The following PRR5 variants were observed in gnomAD, a reference collection of about 807,000 sequenced individuals.
PRR5 encodes proline rich 5.
PRR5 carries 25 observed loss-of-function variants against 30.6 expected under a neutral mutation model. The observed-to-expected ratio is 0.82, with a 90% confidence interval of 0.60 to 1.14. The LOEUF is 1.14. Among genes scored for constraint, PRR5 ranks in the 50% most tolerant of loss-of-function variants. The pLI, the probability that PRR5 is intolerant of heterozygous loss-of-function variation, is 0.00. For missense variants in PRR5, 600 were observed against 547.1 expected, an observed-to-expected ratio of 1.10 and a Z score of -0.96; for synonymous variants, 286 against 247.1, an observed-to-expected ratio of 1.16 and a Z score of -1.48.
chr22:44,724,219 T>G (rs905754008), intron 2 of PRR5, among the ~76,000 whole-genome samples: 1 of 152,126 alleles, frequency 6.6e-6, no homozygotes, highest in African/African-American at 2.4e-5. Context: ...GTGGATCACT[T>G]GAGGTCAGGA....
chr22:44,716,007 A>T (rs575176862), intron 2 of PRR5, among the ~76,000 whole-genome samples: 7 of 152,350 alleles, frequency 4.6e-5, no homozygotes, highest in African/African-American at 1.7e-4. Flanking sequence ...ATCCAGCAGC[A>T]GGCACAGTCC....
intron 2 of PRR5, among the ~76,000 whole-genome samples, chr22:44,717,404 C>A (rs1259232276): frequency 6.6e-6 from 1 of 151,904 alleles, no homozygotes; most frequent in African/African-American, 2.4e-5. Context: ...GTTGGCCAGG[C>A]CGGTCTCAAA....
chr22:44,722,282 C>T (rs1368371389), intron 2 of PRR5, among the ~76,000 whole-genome samples: 2 of 152,250 alleles, frequency 1.3e-5, no homozygotes, highest in South Asian at 2.1e-4. Flanking sequence ...TCAGCTTCCC[C>T]ATCCATGAAA....
At chr22:44,696,520 A>C (rs929113) in intron 1 of PRR5, among the ~76,000 whole-genome samples, 3,549 of 152,222 alleles carry the variant, frequency 0.023, 81 homozygotes, top group East Asian at 0.13. Flanking sequence ...CCTGCTGGCC[A>C]GAGCCCCCTC....
Position 44,682,037 on chromosome 22 carries a change from C to T in PRR5, c.-11+4797C>T, listed in dbSNP as rs73891703. 9.2e-3 allele frequency among the ~76,000 whole-genome samples: 1,395 copies of T among 152,328 alleles called. 21 individuals are homozygous for T. Among genetic ancestry groups the T allele is most frequent in the African/African-American group, 0.032 (1,312 of 41,576 alleles). On this transcript the variant is annotated intron_variant, in intron 1 of 8. Transcript: ENST00000006251. ...GACAGCACAGAGGGAACCTGCTCCA[C>T]GCGGCCATGGACCTGCCTCACCACT...
intron 3 of PRR5, among the ~76,000 whole-genome samples, chr22:44,725,505 C>G (rs1920928763): frequency 6.6e-6 from 1 of 152,232 alleles, no homozygotes; most frequent in African/African-American, 2.4e-5. Context: ...TAGTCTCACT[C>G]TGTCATCCAG....
chr22:44,727,904 C>T (rs1921152362), intron 4 of PRR5, among the ~76,000 whole-genome samples: 1 of 152,232 alleles, frequency 6.6e-6, no homozygotes. Context: ...GGGAAGGCTT[C>T]CTGGAGGAGG....
chr22:44,691,059 G>T lies in PRR5; in HGVS notation c.-10-11433G>T, dbSNP rs1374194001. 6.6e-6 allele frequency among the ~76,000 whole-genome samples: 1 copy of T among 152,054 alleles called. No individual in the cohort carries two copies. Among genetic ancestry groups the T allele is most frequent in the African/African-American group, 2.4e-5 (1 of 41,420 alleles). On this transcript the variant is annotated intron_variant, in intron 1 of 8. Coordinates refer to the PRR5 transcript ENST00000006251. The surrounding 1 kb of genome is among the most constrained non-coding windows in gnomAD (Gnocchi z 4.4). ...TGAACGTGCTGGCAGCCTCGGGAAG[G>T]TGGATTCCCGGGGCGGGGAGGCAGG...
intron 2 of PRR5, among the ~76,000 whole-genome samples, chr22:44,716,334 G>T (rs552181547): frequency 1.2e-4 from 18 of 152,286 alleles, no homozygotes; most frequent in Non-Finnish European, 2.2e-4. Flanking sequence ...ATAATAGCAG[G>T]GTCTTTTTAC....
At chr22:44,677,808 G>T (rs1923899043) in intron 1 of PRR5, among the ~76,000 whole-genome samples, 2 of 152,212 alleles carry the variant, frequency 1.3e-5, no homozygotes, top group Admixed American at 1.3e-4. Flanking sequence ...GTGAATTCAG[G>T]ATAAACTTGG....
At chr22:44,682,964 G>T (rs1360680839) in intron 1 of PRR5, among the ~76,000 whole-genome samples, 4 of 152,196 alleles carry the variant, frequency 2.6e-5, no homozygotes, top group African/African-American at 4.8e-5. Context: ...GAAGGGTTTT[G>T]CAGGATGAAT....
At position 44,737,322 on chromosome 22, in the gene PRR5, T is replaced by G; in HGVS notation, c.*75T>G. On this transcript the variant is annotated 3_prime_UTR_variant, in exon 8 of 8. Transcript: ENST00000336985. ...GGTGTCCATGTGGCGTGTGTGTGAG[T>G]GAGACTTTTTTACTGCGTCCCGTCC... The G allele has an allele frequency of 6.6e-7, 1 of 1,513,644 alleles. No individual in the cohort carries two copies. Among genetic ancestry groups the G allele is most frequent in the Non-Finnish European group, 8.8e-7 (1 of 1,130,966 alleles). 93.8% of individuals were successfully genotyped at this position (1,513,644 alleles called of 1,614,324 possible). A position where few individuals can be genotyped will look rare whatever the true frequency, so the allele number is the denominator to read the frequency against.
intron 1 of PRR5, among the ~76,000 whole-genome samples, chr22:44,693,645 G>A (rs11705572): frequency 0.6 from 76,026 of 125,960 alleles, 23,038 homozygotes; most frequent in South Asian, 0.8. Context: ...TTTTTCTGAG[G>A]TGGAGTCTTG....
In PRR5 at chr22:44,721,352, C is replaced by T. The variant is rs886431735; in HGVS notation, c.216-3892C>T. Among the ~76,000 whole-genome samples, 7 of 152,180 alleles carry T rather than the reference C, an allele frequency of 4.6e-5. No individual in the cohort carries two copies. In the East Asian group the frequency reaches 7.7e-4, roughly 17 times the overall value. On this transcript the variant is annotated intron_variant, in intron 2 of 7. Coordinates refer to ENST00000336985, the MANE Select transcript of PRR5 (RefSeq NM_181333.4). ...ACCCTATGTAAATGAAGTAGTGGCC[C>T]GCAATCAGTGTGATTGGTTGCAGAA...
chr22:44,729,848 G>A (rs918091802), intron 4 of PRR5: 8 of 985,352 alleles, frequency 8.1e-6, no homozygotes, highest in African/African-American at 7.0e-5. Flanking sequence ...AGGCCTGGCC[G>A]GTGCCCAGAG....
chr22:44,702,548 C>T lies in PRR5; in HGVS notation c.74C>T (p.Ala25Val). 6.9e-7 allele frequency: 1 copy of T among 1,447,372 alleles called. No individual in the cohort carries two copies. Among genetic ancestry groups the T allele is most frequent in the Non-Finnish European group, 9.1e-7 (1 of 1,099,038 alleles). 89.7% of individuals were successfully genotyped at this position (1,447,372 alleles called of 1,614,324 possible). ...LSDLGKREPA[A>V]AADERGTQQR... Reference sequence around the variant, plus strand: ...GACCTGGGCAAGAGAGAGCCGGCCGCCGCCGCGGACGAGCGGGGCACGCAG... The same window carrying T: ...GACCTGGGCAAGAGAGAGCCGGCCGTCGCCGCGGACGAGCGGGGCACGCAG... Residue 25 changes from alanine to valine, a missense_variant, in exon 1 of 8, where the codon GCC becomes GTC. By Grantham distance (64) the Ala-to-Val change is moderately conservative. Coordinates refer to ENST00000336985, the MANE Select transcript of PRR5 (RefSeq NM_181333.4).
intron 2 of PRR5, among the ~76,000 whole-genome samples, chr22:44,717,533 C>A (rs79613926): frequency 0.016 from 2,403 of 152,060 alleles, 76 homozygotes; most frequent in African/African-American, 0.055. Context: ...GCTTTAGCAG[C>A]CCTCCTCATT....
chr22:44,728,592 CAA>C (rs943472016), intron 4 of PRR5, among the ~76,000 whole-genome samples: 1 of 152,242 alleles, frequency 6.6e-6, no homozygotes, highest in Non-Finnish European at 1.5e-5. Context: ...AGTAGGGCCT[CAA>C]AGTGTGGTCT....
At chr22:44,704,066 G>A (rs1926800221) in intron 1 of PRR5, among the ~76,000 whole-genome samples, 1 of 152,154 alleles carries the variant, frequency 6.6e-6, no homozygotes, top group South Asian at 2.1e-4. Flanking sequence ...CATAAAACGG[G>A]CAGATAACAG....
Sources: allele counts gnomAD v4.1 joint callset (sites outside exome capture counted in the v4.1 genomes callset), GRCh38; gene constraint gnomAD v4.1.1; non-coding constraint Gnocchi (gnomAD v3.1); transcripts MANE v1.5; gene names NCBI Gene and HGNC (gene_info 2026-07-23, HGNC 2026-07-21).